C15orf39: variants seen among roughly 807,000 people sequenced by gnomAD.
C15orf39 encodes the protein uncharacterized protein C15orf39.
C15orf39 carries 24 observed loss-of-function variants against 53.9 expected under a neutral mutation model. The ratio of observed to expected loss-of-function variants is 0.45; its 90% CI spans 0.32 to 0.63. C15orf39 has a LOEUF of 0.63. Among genes scored for constraint, C15orf39 ranks in the 20% least tolerant of loss-of-function variants. The pLI is 0.04. For synonymous variants in C15orf39, 569 were observed against 576.5 expected, an observed-to-expected ratio of 0.99 and a Z score of 0.19; for missense variants, 1,271 against 1,347.9, an observed-to-expected ratio of 0.94 and a Z score of 0.89.
chr15:75,210,078 C>G (rs1316132182), intron 2 of C15orf39, among the ~76,000 whole-genome samples: 1 of 152,166 alleles, frequency 6.6e-6, no homozygotes, highest in Non-Finnish European at 1.5e-5. Flanking sequence ...TTCTCCTGGG[C>G]TGCCTGATCA....
Position 75,206,907 on chromosome 15 carries a change from C to T in C15orf39, c.859C>T (p.Pro287Ser), listed in dbSNP as rs1160370154. Residue 287 changes from proline (P) to serine (S), a missense_variant, in exon 2 of 3, where the codon CCA (proline) becomes TCA (serine). Coordinates refer to ENST00000394987, the MANE Select transcript of C15orf39 (RefSeq NM_015492.5). Reference sequence around the variant, plus strand: ...CCCTCCACAGGCCCTGCCTTGCCCTCCAGCCTGTCGCCACCCAGAGAAGCA... The same window carrying T: ...CCCTCCACAGGCCCTGCCTTGCCCTTCAGCCTGTCGCCACCCAGAGAAGCA... ...PHPPQALPCP[P>S]ACRHPEKQGS... 6.6e-7 allele frequency: 1 copy of T among 1,518,178 alleles called. No individual in the cohort carries two copies. Among genetic ancestry groups the T allele is most frequent in the Non-Finnish European group, 8.8e-7 (1 of 1,134,598 alleles). 94.0% of individuals were successfully genotyped at this position (1,518,178 alleles called of 1,614,324 possible).
At chr15:75,202,292 C>T (rs1209424381) in intron 1 of C15orf39, 2 of 152,402 alleles carry the variant, frequency 1.3e-5, no homozygotes, top group Middle Eastern at 3.4e-3. Flanking sequence ...TTCGAGGCTC[C>T]CGGGACCTGG....
At chr15:75,204,695 A>G (rs1333200249) in intron 1 of C15orf39, among the ~76,000 whole-genome samples, 2 of 152,140 alleles carry the variant, frequency 1.3e-5, no homozygotes, top group Non-Finnish European at 2.9e-5. Flanking sequence ...TTTTTAGTAG[A>G]GACAGCGTTT....
intron 1 of C15orf39, among the ~76,000 whole-genome samples, chr15:75,204,481 C>A (rs978417754): frequency 5.9e-5 from 9 of 151,992 alleles, no homozygotes; most frequent in Non-Finnish European, 8.8e-5. Context: ...CTTTTCTTTT[C>A]TTTTCTTTTT....
chr15:75,207,893 G>A lies in C15orf39; in HGVS notation c.1845G>A (p.Leu615=), dbSNP rs1567139726. Reference sequence around the variant, plus strand: ...ATGTGGGCAACATGGTGTCAGATCTGCCAGGCCTGAAAAAGATAGACACAG... The same window carrying A: ...ATGTGGGCAACATGGTGTCAGATCTACCAGGCCTGAAAAAGATAGACACAG... ...VPDVGNMVSD[L]PGLKKIDTEA... The change falls in exon 2 of 3, where the codon CTG becomes CTA. Residue 615 remains leucine (L), a synonymous_variant. Transcript: ENST00000394987. 2 of 1,613,540 alleles carry A rather than the reference G, an allele frequency of 1.2e-6. No individual in the cohort carries two copies. Among genetic ancestry groups the A allele is most frequent in the African/African-American group, 1.3e-5 (1 of 74,930 alleles).
At chr15:75,208,975 C>A in intron 2 of C15orf39, 151 bp downstream of exon 2, 1 of 1,309,164 alleles carries the variant, frequency 7.6e-7, no homozygotes, top group Non-Finnish European at 1.0e-6. Flanking sequence ...GTACCCCCAC[C>A]CCTTGACCCT....
At chr15:75,202,737 C>G (rs2070412997) in intron 1 of C15orf39, among the ~76,000 whole-genome samples, 1 of 152,248 alleles carries the variant, frequency 6.6e-6, no homozygotes, top group South Asian at 2.1e-4. Flanking sequence ...GAGCGCAGTT[C>G]TGGAATGGCG....
chr15:75,201,965 C>G lies in C15orf39; in HGVS notation c.-145C>G, dbSNP rs988031857. 4 of 152,070 alleles carry G rather than the reference C, an allele frequency of 2.6e-5. No individual in the cohort carries two copies. Among genetic ancestry groups the G allele is most frequent in the Non-Finnish European group, 5.9e-5 (4 of 68,006 alleles). 9.4% of individuals were successfully genotyped at this position (152,070 alleles called of 1,614,324 possible). ...TCACTGCGACTTCCCGCGCAGGGCC[C>G]GGTCGGACTAGGACCCGCGGCCTGA... On this transcript the variant is annotated 5_prime_UTR_variant, in exon 1 of 3. Coordinates refer to ENST00000394987, the MANE Select transcript of C15orf39 (RefSeq NM_015492.5). This position sits in a 1 kb window ranked among gnomAD's most constrained non-coding sequence, Gnocchi z 4.7.
At chr15:75,210,695 A>G in intron 2 of C15orf39, 54 bp from the exon 3 acceptor site, 14 of 1,535,704 alleles carry the variant, frequency 9.1e-6, no homozygotes, top group Non-Finnish European at 1.2e-5. Flanking sequence ...GGAAGCCAGG[A>G]GGTGGGACCT....
At chr15:75,205,112 T>C (rs1167817902) in intron 1 of C15orf39, among the ~76,000 whole-genome samples, 3 of 152,208 alleles carry the variant, frequency 2.0e-5, no homozygotes, top group African/African-American at 7.2e-5. Context: ...GGACCTGGGC[T>C]GGAGGCCCGA....
At position 75,208,858 on chromosome 15, in the gene C15orf39, C is replaced by T. The variant is rs753317888; in HGVS notation, c.2776+34C>T. The T allele has an allele frequency of 1.1e-5, 17 of 1,557,510 alleles. No individual in the cohort carries two copies. In the African/African-American group the frequency reaches 2.2e-4, roughly 20 times the overall value. On this transcript the variant is annotated intron_variant, in intron 2 of 2. Transcript: ENST00000394987. ...GGGGCAGCCCCAGTGGCCACCGGAG[C>T]TGTGTGAGCAAGTGACAGGTGTGTG...
chr15:75,200,903 CCAGCTGCTT>C (rs2070396772), upstream of C15orf39, among the ~76,000 whole-genome samples: 2 of 150,782 alleles, frequency 1.3e-5, no homozygotes, highest in Non-Finnish European at 3.0e-5. Context: ...TCCAGCTGCT[CCAGCTGCTT>C]GGTGATTCTT....
At position 75,207,706 on chromosome 15, in the gene C15orf39, C is replaced by T; in HGVS notation, c.1658C>T (p.Pro553Leu). 1.2e-6 allele frequency: 2 copies of T among 1,603,190 alleles called. No individual in the cohort carries two copies. Among genetic ancestry groups the T allele is most frequent in the Non-Finnish European group, 1.7e-6 (2 of 1,173,786 alleles). ...GACAAAGGCTGCAGGGGGACCCTGCCTGCCCAGGAGGGCCCCTCAGGGAGT... is the reference window on the plus strand; with the variant it reads ...GACAAAGGCTGCAGGGGGACCCTGCTTGCCCAGGAGGGCCCCTCAGGGAGT... ...GQDKGCRGTL[P>L]AQEGPSGSKP... Residue 553 changes from proline to leucine, a missense_variant, in exon 2 of 3, where the codon CCT (proline) becomes CTT (leucine). Pro to Leu is a moderately conservative substitution (Grantham distance 98). Coordinates refer to ENST00000394987, the MANE Select transcript of C15orf39 (RefSeq NM_015492.5).
chr15:75,203,571 AC>A (rs1414973672), intron 1 of C15orf39, among the ~76,000 whole-genome samples: 4 of 151,768 alleles, frequency 2.6e-5, no homozygotes, highest in Non-Finnish European at 4.4e-5. Context: ...TGAAGCCGCC[AC>A]CCCTCCCACA....
rs571900015 is a variant in C15orf39, at chr15:75,212,070, T to C, written c.*954T>C. The C allele has an allele frequency of 6.6e-6, 1 of 152,282 alleles. No homozygotes were observed. Among genetic ancestry groups the C allele is most frequent in the Admixed American group, 6.5e-5 (1 of 15,296 alleles). The allele number at this position is 152,282 out of a possible 1,614,324, so 9.4% of individuals were successfully genotyped here. On this transcript the variant is annotated 3_prime_UTR_variant, in exon 3 of 3. Coordinates refer to ENST00000394987, the MANE Select transcript of C15orf39 (RefSeq NM_015492.5). ...GCCACCTGCCTGTGGAGTGCTGAGCTCAACCAAAGGCTGGCAAGCTCTGGG... is the reference window on the plus strand; with the variant it reads ...GCCACCTGCCTGTGGAGTGCTGAGCCCAACCAAAGGCTGGCAAGCTCTGGG...
Position 75,210,926 on chromosome 15 carries a change from G to A in C15orf39, c.2954G>A (p.Cys985Tyr), listed in dbSNP as rs1258891552. The A allele has an allele frequency of 5.6e-6, 9 of 1,613,516 alleles. No individual in the cohort carries two copies. The highest frequency in any genetic ancestry group is 2.7e-5 in the African/African-American group (2 of 75,038). ...GAGGCAGCTGCTGGGGAAGAGTCCT[G>A]TGGTGCCTCCCCTACCCCTGCTACC... ...KAEAAAGEES[C>Y]GASPTPATSA... The change falls in exon 3 of 3, where the codon TGT becomes TAT. Residue 985 changes from cysteine to tyrosine, a missense_variant. Physicochemically the swap from Cys to Tyr is radical, Grantham distance 194. Coordinates refer to ENST00000394987, the MANE Select transcript of C15orf39 (RefSeq NM_015492.5).
chr15:75,206,419 G>T lies in C15orf39; in HGVS notation c.371G>T (p.Gly124Val). The T allele has an allele frequency of 6.2e-7, 1 of 1,613,972 alleles. No individual in the cohort carries two copies. Among genetic ancestry groups the T allele is most frequent in the Non-Finnish European group, 8.5e-7 (1 of 1,179,950 alleles). ...AGTCCCCAGGCTCACTCCTACCCAG[G>T]CCCACCACTGGCAGCACCCAAACCT... ...PFSPQAHSYPGPPLAAPKPVY... is the reference protein window; with the variant it reads ...PFSPQAHSYPVPPLAAPKPVY... Residue 124 changes from glycine (G) to valine (V), a missense_variant, in exon 2 of 3, where the codon GGC becomes GTC. By Grantham distance (109) the Gly-to-Val change is moderately radical. Around this residue, in one of 2 missense-constraint regions of C15orf39, gnomAD observed 994 missense variants for 993.7 expected, o/e 1.00. Coordinates refer to ENST00000394987, the MANE Select transcript of C15orf39 (RefSeq NM_015492.5).
chr15:75,208,098 C>T lies in C15orf39; in HGVS notation c.2050C>T (p.Pro684Ser). ...APAPTQPAPTPTSGPIGLRIL... is the reference protein window; with the variant it reads ...APAPTQPAPTSTSGPIGLRIL... ...TGCTCCCACACAGCCTGCACCCACCCCCACATCTGGGCCCATTGGACTGCG... is the reference window on the plus strand; with the variant it reads ...TGCTCCCACACAGCCTGCACCCACCTCCACATCTGGGCCCATTGGACTGCG... The change falls in exon 2 of 3, where the codon CCC becomes TCC. Residue 684 changes from proline (P) to serine (S), a missense_variant. Transcript: ENST00000394987. 1 of 1,614,150 alleles carries T rather than the reference C, an allele frequency of 6.2e-7. No homozygotes were observed. Among genetic ancestry groups the T allele is most frequent in the Non-Finnish European group, 8.5e-7 (1 of 1,180,030 alleles).
chr15:75,210,830 C>T lies in C15orf39; in HGVS notation c.2858C>T (p.Ala953Val), dbSNP rs746939800. Residue 953 changes from alanine (A) to valine (V), a missense_variant, in exon 3 of 3, where the codon GCT (alanine) becomes GTT (valine). Ala to Val is a moderately conservative substitution (Grantham distance 64, BLOSUM62 0). This residue lies in a region of C15orf39 where 277 missense variants were observed against 354.1 expected (regional missense o/e 0.78). Transcript: ENST00000394987. ...GGTGAGCCAGAGAGCCTAGCCCTGG[C>T]TCAGAAGTCACCGGCCCCCAAGGTC... Reference protein sequence around the residue: ...ARGEPESLALAQKSPAPKVRK... With the variant: ...ARGEPESLALVQKSPAPKVRK... 1 of 1,613,930 alleles carries T rather than the reference C, an allele frequency of 6.2e-7. No homozygotes were observed. The highest frequency in any genetic ancestry group is 1.1e-5 in the South Asian group (1 of 91,090).
Sources: gnomAD v4.1 joint callset for allele counts (sites outside exome capture counted in the v4.1 genomes callset) on GRCh38, gnomAD v4.1.1 for gene constraint, gnomAD v4.1.1 regional missense constraint, Gnocchi (gnomAD v3.1) non-coding constraint, MANE v1.5 for transcripts, NCBI Gene and HGNC (gene_info 2026-07-23, HGNC 2026-07-21) for gene names.